Variants in IGBP1 observed in about 807,000 individuals in gnomAD.
IGBP1 encodes the protein immunoglobulin-binding protein 1.
A neutral mutation model predicts 25.9 loss-of-function variants in IGBP1; 2 were observed. The ratio of observed to expected loss-of-function variants is 0.08; its 90% CI spans 0.03 to 0.24. The LOEUF (loss-of-function observed/expected upper bound fraction) is 0.24. Among genes scored for constraint, IGBP1 ranks in the 10% least tolerant of loss-of-function variants. The pLI, the probability that IGBP1 is intolerant of heterozygous loss-of-function variation, is 1.00. For missense variants in IGBP1, 187 were observed against 260.4 expected, an observed-to-expected ratio of 0.72 and a Z score of 1.94; for synonymous variants, 96 against 93.4, an observed-to-expected ratio of 1.03 and a Z score of -0.16.
At chrX:70,159,010 C>CA (rs887994737) in intron 6 of IGBP1, among the ~76,000 whole-genome samples, 3 of 110,967 alleles carry the variant, frequency 2.7e-5, no homozygotes, top group Non-Finnish European at 5.7e-5. Context: ...AAGACACGCT[C>CA]AAAAAAACAG....
At chrX:70,145,033 CA>C (rs779060279) in intron 3 of IGBP1, among the ~76,000 whole-genome samples, 88 of 95,194 alleles carry the variant, frequency 9.2e-4, no homozygotes, top group Middle Eastern at 5.2e-3. Flanking sequence ...ATTTCTCAGC[CA>C]AAAAAAAAAA....
intron 3 of IGBP1, among the ~76,000 whole-genome samples, chrX:70,141,126 A>T (rs924135087): frequency 3.6e-5 from 4 of 110,565 alleles, no homozygotes; most frequent in Non-Finnish European, 7.6e-5. Flanking sequence ...TGGGTAGATC[A>T]CAAGGTCAGG....
intron 6 of IGBP1, among the ~76,000 whole-genome samples, chrX:70,160,484 G>A (rs1464202797): frequency 1.8e-5 from 2 of 112,050 alleles, no homozygotes; most frequent in African/African-American, 6.5e-5. Context: ...GGAAAAAAAT[G>A]TGAGCCAAGG....
chrX:70,142,062 G>A (rs1226157647), intron 3 of IGBP1, among the ~76,000 whole-genome samples: 1 of 111,904 alleles, frequency 8.9e-6, no homozygotes, highest in African/African-American at 3.3e-5. Flanking sequence ...GCCAGGTGTG[G>A]TGGCTCATTC....
At chrX:70,143,570 C>T (rs1206665860) in intron 3 of IGBP1, among the ~76,000 whole-genome samples, 3 of 111,661 alleles carry the variant, frequency 2.7e-5, no homozygotes, top group Admixed American at 9.5e-5. Flanking sequence ...GGAAGTTGCC[C>T]AGGGTCAGAA....
At chrX:70,163,500 G>A (rs1268591299) in intron 6 of IGBP1, among the ~76,000 whole-genome samples, 2 of 112,032 alleles carry the variant, frequency 1.8e-5, no homozygotes, top group East Asian at 5.6e-4. Flanking sequence ...TAGTTGATGA[G>A]GGGAAGGCTC....
At chrX:70,142,409 G>T (rs1200966758) in intron 3 of IGBP1, among the ~76,000 whole-genome samples, 1 of 111,361 alleles carries the variant, frequency 9.0e-6, no homozygotes, top group East Asian at 2.8e-4. Context: ...CAGGGGAAAG[G>T]CACCAGTAGA....
chrX:70,153,537 G>A (rs1283889423), intron 6 of IGBP1, among the ~76,000 whole-genome samples: 1 of 112,245 alleles, frequency 8.9e-6, no homozygotes, highest in Admixed American at 9.4e-5. Context: ...AAAAGGACAG[G>A]GTAAATGGAA....
Position 70,155,980 on chromosome X carries a change from GT to G in IGBP1, c.871+5660del, listed in dbSNP as rs2085238074. 3.6e-5 allele frequency among the ~76,000 whole-genome samples: 4 copies of G among 111,517 alleles called. No individual in the cohort carries two copies. In the Admixed American group the frequency reaches 3.8e-4, roughly 11 times the overall value. On this transcript the variant is annotated intron_variant, in intron 6 of 6. Transcript: ENST00000356413. ...TATTCATTGGCCCAATTTCAATATTGTTGTGTCTCAAGGAACAGAGAGGCCT... is the reference window on the plus strand; with the variant it reads ...TATTCATTGGCCCAATTTCAATATTGTGTGTCTCAAGGAACAGAGAGGCCT...
chrX:70,149,739 G>GT (rs1214059475), intron 5 of IGBP1: 16 of 128,243 alleles, frequency 1.2e-4, no homozygotes, highest in South Asian at 2.3e-4. Flanking sequence ...ATACTTTAAA[G>GT]TTTTTTTTTA....
chrX:70,141,701 A>C (rs1430483452), intron 3 of IGBP1, among the ~76,000 whole-genome samples: 1 of 111,430 alleles, frequency 9.0e-6, no homozygotes, highest in Non-Finnish European at 1.9e-5. Flanking sequence ...GTAGCGGAAA[A>C]AGCCTAGACT....
At chrX:70,148,912 CCA>C (rs2085184242) in intron 5 of IGBP1, 72 bp downstream of exon 5, 1 of 748,107 alleles carries the variant, frequency 1.3e-6, no homozygotes, top group South Asian at 2.2e-5. Context: ...CATTAGTGAC[CCA>C]CAGACTGAGT....
chrX:70,145,671 A>G (rs1326205324), intron 3 of IGBP1, among the ~76,000 whole-genome samples: 2 of 111,486 alleles, frequency 1.8e-5, no homozygotes, highest in Admixed American at 1.9e-4. Context: ...TATCTCAGCC[A>G]TACTGGCCAC....
chrX:70,140,169 G>A lies in IGBP1; in HGVS notation c.482+5353G>A, dbSNP rs755622139. Among the ~76,000 whole-genome samples the A allele has an allele frequency of 1.9e-3, 213 of 111,866 alleles. 1 individual carries two copies. Among genetic ancestry groups the A allele is most frequent in the African/African-American group, 6.5e-3 (200 of 30,824 alleles). On this transcript the variant is annotated intron_variant, in intron 3 of 6. Coordinates refer to ENST00000356413, the MANE Select transcript of IGBP1 (RefSeq NM_001551.3). ...CATTTCATGTGTCTTTCTGAGTTTT[G>A]TCTCTCTCCCCTACTACAGTATATA...
chrX:70,133,640 G>A (rs2085076135), intron 1 of IGBP1, 83 bp from the exon 2 acceptor site: 1 of 420,304 alleles, frequency 2.4e-6, no homozygotes, highest in African/African-American at 2.5e-5. Flanking sequence ...AGAGCCCACA[G>A]AACTTCTCAG....
intron 6 of IGBP1, among the ~76,000 whole-genome samples, chrX:70,150,654 A>G (rs1231510608): frequency 8.9e-6 from 1 of 111,988 alleles, no homozygotes; most frequent in Admixed American, 9.5e-5. Flanking sequence ...ACAGGATAAC[A>G]ATTACAAACT....
At chrX:70,154,714 CAAAAAAAAA>C (rs762954223) in intron 6 of IGBP1, among the ~76,000 whole-genome samples, 4 of 27,106 alleles carry the variant, frequency 1.5e-4, no homozygotes, top group East Asian at 1.3e-3. Context: ...CCCCTCTCCA[CAAAAAAAAA>C]AAAAAAAAAA....
intron 4 of IGBP1, 90 bp downstream of exon 4, chrX:70,146,918 T>A: frequency 1.4e-6 from 1 of 697,742 alleles, no homozygotes. Context: ...ATAAAATCAC[T>A]GTTTTTATCA....
chrX:70,146,034 C>T (rs969947392), intron 3 of IGBP1, among the ~76,000 whole-genome samples: 1 of 111,702 alleles, frequency 9.0e-6, no homozygotes, highest in African/African-American at 3.3e-5. Context: ...GCCTGTCACA[C>T]AATAGGTACT....
Sources: allele counts gnomAD v4.1 joint callset (sites outside exome capture counted in the v4.1 genomes callset), GRCh38; gene constraint gnomAD v4.1.1; transcripts MANE v1.5; gene names NCBI Gene and HGNC (gene_info 2026-07-23, HGNC 2026-07-21).